Variants in ANK3 observed in about 807,000 individuals in gnomAD.
The protein encoded by ANK3 is ankyrin 3, also known as ankyrin-3.
ANK3 carries 57 observed loss-of-function variants against 370.9 expected under a neutral mutation model. That is an observed-to-expected ratio of 0.15 (90% CI 0.12 to 0.19). The LOEUF is 0.19. ANK3 is among the 10% of genes least tolerant of loss of function. The pLI, the probability that ANK3 is intolerant of heterozygous loss-of-function variation, is 1.00. For synonymous variants in ANK3, 1,929 were observed against 1,946.3 expected (o/e 0.99, Z 0.23); for missense variants, 4,439 against 5,302.1 (o/e 0.84, Z 5.06).
rs1224279837 is a variant in ANK3 at position 60,633,792 on chromosome 10, C to A, written c.58-18568G>T. Among the ~76,000 whole-genome samples, 3 of 152,226 alleles carry A rather than the reference C, an allele frequency of 2.0e-5. No individual in the cohort carries two copies. In the East Asian group the frequency reaches 5.8e-4, roughly 29 times the overall value. Reference sequence around the variant, plus strand: ...AGAGCAATTTCCTAAACCTCCACACCACCTGAAGCATCCATATTGGGTTCT... The same window carrying A: ...AGAGCAATTTCCTAAACCTCCACACAACCTGAAGCATCCATATTGGGTTCT... On this transcript the variant is annotated intron_variant, in intron 1 of 43. Transcript: ENST00000373827.
At chr10:60,191,939 TG>T (rs148489578) in intron 16 of ANK3, among the ~76,000 whole-genome samples, 10,006 of 152,166 alleles carry the variant, frequency 0.066, 426 homozygotes, top group Admixed American at 0.13. Context: ...GACCGAGTCT[TG>T]CTCTGTCACC....
At chr10:60,558,908 A>C (rs1053741142) in intron 2 of ANK3, among the ~76,000 whole-genome samples, 1 of 152,180 alleles carries the variant, frequency 6.6e-6, no homozygotes, top group Admixed American at 6.5e-5. Flanking sequence ...TTTTACCATC[A>C]TGGAACAAAT....
At chr10:60,667,239 A>T (rs1347859782) in intron 1 of ANK3, among the ~76,000 whole-genome samples, 1 of 148,630 alleles carries the variant, frequency 6.7e-6, no homozygotes, top group Admixed American at 6.7e-5. Flanking sequence ...GAATTGAAGA[A>T]AAGTGTAAGA....
chr10:60,382,797 C>CTATATATATATATATATATATATA (rs5785442), intron 1 of ANK3, among the ~76,000 whole-genome samples: 2 of 133,742 alleles, frequency 1.5e-5, no homozygotes, highest in African/African-American at 2.7e-5. Context: ...ATACCTAAAT[C>CTATATATATATATATATATATATA]TATATATATA....
chr10:60,214,872 T>C (rs1486681039), intron 8 of ANK3, among the ~76,000 whole-genome samples: 1 of 152,244 alleles, frequency 6.6e-6, no homozygotes, highest in Non-Finnish European at 1.5e-5. Flanking sequence ...TTTGGGTATA[T>C]ACCCAGTAAT....
intron 8 of ANK3, among the ~76,000 whole-genome samples, chr10:60,215,776 A>G (rs1232393600): frequency 1.3e-5 from 2 of 152,208 alleles, no homozygotes; most frequent in Non-Finnish European, 2.9e-5. Context: ...GAAGTAAGGT[A>G]GCATGATGCC....
At chr10:60,219,948 G>A (rs1186027222) in intron 8 of ANK3, among the ~76,000 whole-genome samples, 2 of 152,094 alleles carry the variant, frequency 1.3e-5, no homozygotes, top group East Asian at 1.9e-4. Flanking sequence ...TTTGGAGCAC[G>A]TTTATATCTT....
At chr10:60,507,924 A>G (rs1797096338) in intron 2 of ANK3, 1 of 152,122 alleles carries the variant, frequency 6.6e-6, no homozygotes, top group African/African-American at 2.4e-5. Flanking sequence ...CTAAATATAG[A>G]TCTAATATTT....
intron 35 of ANK3, 51 bp from the exon 36 acceptor site, chr10:60,080,669 T>C (rs1383925134): frequency 3.6e-6 from 5 of 1,373,140 alleles, no homozygotes; most frequent in Non-Finnish European, 5.0e-6. Flanking sequence ...CCCTGTGACA[T>C]CTTCAGTTTT....
intron 1 of ANK3, among the ~76,000 whole-genome samples, chr10:60,702,171 T>C (rs1209187700): frequency 1.3e-5 from 2 of 151,012 alleles, no homozygotes; most frequent in Non-Finnish European, 2.9e-5. Flanking sequence ...AAGACTGAGG[T>C]AGGAGAATCA....
At chr10:60,414,644 C>T (rs558804173) in intron 2 of ANK3, among the ~76,000 whole-genome samples, 20 of 152,264 alleles carry the variant, frequency 1.3e-4, no homozygotes, top group African/African-American at 3.9e-4. Context: ...TTCTCTCCTA[C>T]GTGCCATGGA....
chr10:60,595,692 T>G (rs573251710), intron 2 of ANK3, among the ~76,000 whole-genome samples: 143 of 152,064 alleles, frequency 9.4e-4, no homozygotes, highest in African/African-American at 3.3e-3. Context: ...TAGAAGGGGG[T>G]TTATTTTAGG....
Position 60,534,700 on chromosome 10 carries a change from G to A in ANK3, c.96+80486C>T, listed in dbSNP as rs185162298. ...GATTATTTAAAAATTCTAAATTAGC[G>A]TTATTAGTATATGTGAGAAAACTGT... On this transcript the variant is annotated intron_variant, in intron 2 of 43. Transcript: ENST00000373827. Among the ~76,000 whole-genome samples, 182 of 152,144 alleles carry A rather than the reference G, an allele frequency of 1.2e-3. 3 individuals are homozygous for A. Among genetic ancestry groups the A allele is most frequent in the East Asian group, 5.6e-3 (29 of 5,148 alleles).
At chr10:60,466,739 G>C (rs1179368009) in intron 2 of ANK3, among the ~76,000 whole-genome samples, 1 of 152,160 alleles carries the variant, frequency 6.6e-6, no homozygotes, top group East Asian at 1.9e-4. Flanking sequence ...TTAAAAGAAT[G>C]AAATACTGAT....
intron 7 of ANK3, among the ~76,000 whole-genome samples, chr10:60,255,964 G>T (rs1188042833): frequency 6.6e-6 from 1 of 152,122 alleles, no homozygotes; most frequent in Non-Finnish European, 1.5e-5. Flanking sequence ...CCCACTTGGG[G>T]GAAATGAGAT....
intron 1 of ANK3, among the ~76,000 whole-genome samples, chr10:60,617,308 GCTTTTTTTT>G (rs2078279727): frequency 6.7e-6 from 1 of 148,336 alleles, no homozygotes. Flanking sequence ...TTTACCCTTG[GCTTTTTTTT>G]TAACCCATGT....
At chr10:60,081,677 G>A in intron 35 of ANK3, 1 of 330,908 alleles carries the variant, frequency 3.0e-6, no homozygotes, top group South Asian at 2.5e-5. Context: ...GTTATAACAT[G>A]CTGGATAGTA....
chr10:60,232,316 C>G (rs1233362468), intron 8 of ANK3, among the ~76,000 whole-genome samples: 1 of 152,004 alleles, frequency 6.6e-6, no homozygotes, highest in Non-Finnish European at 1.5e-5. Flanking sequence ...TTCTGCGTGT[C>G]TTGGTAACCC....
At chr10:60,254,015 T>C (rs2097702582) in intron 7 of ANK3, among the ~76,000 whole-genome samples, 2 of 152,244 alleles carry the variant, frequency 1.3e-5, no homozygotes, top group African/African-American at 2.4e-5. Context: ...ATGGTATCCA[T>C]GGGGATTGGT....
Sources: allele counts gnomAD v4.1 joint callset (sites outside exome capture counted in the v4.1 genomes callset), GRCh38; gene constraint gnomAD v4.1.1; transcripts MANE v1.5; gene names NCBI Gene and HGNC (gene_info 2026-07-23, HGNC 2026-07-21).